Variants in EML1 observed in about 807,000 individuals in gnomAD.
EML1 encodes EMAP like 1.
A neutral mutation model predicts 110.4 loss-of-function variants in EML1; 27 were observed. The ratio of observed to expected loss-of-function variants is 0.24; its 90% CI spans 0.18 to 0.34. EML1 has a LOEUF of 0.34. Among genes scored for constraint, EML1 ranks in the 10% least tolerant of loss-of-function variants. The pLI, the probability that EML1 is intolerant of heterozygous loss-of-function variation, is 1.00. For missense variants in EML1, 741 were observed against 1,030.9 expected, an observed-to-expected ratio of 0.72 and a Z score of 3.85; for synonymous variants, 344 against 385.8, an observed-to-expected ratio of 0.89 and a Z score of 1.27.
chr14:99,926,911 T>G (rs1478107432), intron 17 of EML1, among the ~76,000 whole-genome samples: 1 of 151,856 alleles, frequency 6.6e-6, no homozygotes, highest in Admixed American at 6.6e-5. Flanking sequence ...ACCTGGCTAA[T>G]TTTTTGTATT....
intron 2 of EML1, among the ~76,000 whole-genome samples, chr14:99,853,951 A>T (rs895761886): frequency 1.3e-5 from 2 of 152,208 alleles, no homozygotes; most frequent in African/African-American, 4.8e-5. Context: ...GATTACAGGC[A>T]TGAGCCACCG....
At chr14:99,759,946 T>C (rs1209191544) in intron 1 of EML1, among the ~76,000 whole-genome samples, 1 of 151,532 alleles carries the variant, frequency 6.6e-6, no homozygotes, top group East Asian at 1.9e-4. Context: ...GTCTCTACTA[T>C]AAATACAGAA....
At chr14:99,819,628 G>A (rs143076944) in intron 1 of EML1, among the ~76,000 whole-genome samples, 1 of 152,308 alleles carries the variant, frequency 6.6e-6, no homozygotes, top group African/African-American at 2.4e-5. Context: ...CTGCGGTGAC[G>A]GGAAGAGGGG....
intron 1 of EML1, among the ~76,000 whole-genome samples, chr14:99,756,772 G>A (rs1226831940): frequency 2.0e-5 from 3 of 152,098 alleles, no homozygotes; most frequent in African/African-American, 2.4e-5. Flanking sequence ...TGCCCCCAGC[G>A]TTTGAAGTTC....
chr14:99,939,408 A>G lies in EML1; in HGVS notation c.2322+81A>G, dbSNP rs535476143. On this transcript the variant is annotated intron_variant, in intron 21 of 21. Coordinates refer to ENST00000262233, the MANE Select transcript of EML1 (RefSeq NM_004434.3). The surrounding 1 kb of genome is among the most constrained non-coding windows in gnomAD (Gnocchi z 4.2). ...CGACCTGTTTGGAGACTAAGTGGAA[A>G]TGGGCTGTGAGCGACTGCTGCCAGC... The G allele has an allele frequency of 6.3e-6, 10 of 1,577,660 alleles. No homozygotes were observed. The African/African-American group carries it at 9.4e-5, about 15-fold the overall frequency.
intron 1 of EML1, among the ~76,000 whole-genome samples, chr14:99,826,105 A>ATTTTTTT (rs71113225): frequency 3.6e-4 from 29 of 79,964 alleles, no homozygotes; most frequent in African/African-American, 5.6e-4. Flanking sequence ...CTGTGCATTG[A>ATTTTTTT]TTTTTTTTTT....
Position 99,760,083 on chromosome 14 carries a change from C to CAAAAAAAAAAAAAA in EML1, c.28+22240_28+22253dup, listed in dbSNP as rs61619098. On this transcript the variant is annotated intron_variant, in intron 1 of 10. Coordinates refer to the EML1 transcript ENST00000554479. Reference sequence around the variant, plus strand: ...GGGCAACAAGAGCTAGACTCCCTCTCAAAAAAAAAAAAAAAAAAAAAAAAA... The same window carrying CAAAAAAAAAAAAAA: ...GGGCAACAAGAGCTAGACTCCCTCTCAAAAAAAAAAAAAAAAAAAAAAAAAAAAAAAAAAAAAAA... Among the ~76,000 whole-genome samples the CAAAAAAAAAAAAAA allele has an allele frequency of 1.3e-4, 6 of 47,146 alleles. 1 individual carries two copies. The highest frequency in any genetic ancestry group is 8.3e-4 in the East Asian group (1 of 1,202). The allele number at this position is 47,146 out of a possible 152,430, so 30.9% of individuals were successfully genotyped here.
intron 4 of EML1, among the ~76,000 whole-genome samples, 163 bp from the exon 5 acceptor site, chr14:99,891,036 G>A (rs2059578786): frequency 6.6e-6 from 1 of 152,174 alleles, no homozygotes; most frequent in Admixed American, 6.5e-5. Context: ...GTTTATGTGT[G>A]TTCCTTTTTG....
At chr14:99,771,704 T>C (rs1595261954), upstream of EML1, among the ~76,000 whole-genome samples, 1 of 152,256 alleles carries the variant, frequency 6.6e-6, no homozygotes, top group East Asian at 1.9e-4. Flanking sequence ...CCCAGCTACC[T>C]GGGAGGCTGA....
intron 1 of EML1, among the ~76,000 whole-genome samples, chr14:99,749,046 T>C (rs7158575): frequency 0.78 from 117,951 of 152,164 alleles, 46,778 homozygotes; most frequent in South Asian, 0.88. Context: ...CATGTTTCAC[T>C]CGTCTGTTCA....
chr14:99,752,599 G>A (rs375514661), intron 1 of EML1, among the ~76,000 whole-genome samples: 2 of 152,334 alleles, frequency 1.3e-5, no homozygotes, highest in East Asian at 3.9e-4. Flanking sequence ...CCCCTGGGGA[G>A]AGGGTGCTGT....
intron 1 of EML1, among the ~76,000 whole-genome samples, chr14:99,797,697 C>T (rs569863783): frequency 1.0e-3 from 153 of 152,294 alleles, no homozygotes; most frequent in African/African-American, 3.4e-3. Context: ...CTCACCAAAA[C>T]GAGTCAGTGC....
chr14:99,796,598 T>C (rs1017915244), intron 1 of EML1, among the ~76,000 whole-genome samples: 7 of 151,248 alleles, frequency 4.6e-5, no homozygotes, highest in Admixed American at 4.6e-4. Context: ...GCTCAAGCAG[T>C]CCTACCTCAG....
At position 99,865,518 on chromosome 14, in the gene EML1, A is replaced by G. The variant is rs2059081337; in HGVS notation, c.255A>G (p.Arg85=). 7 of 1,613,786 alleles carry G rather than the reference A, an allele frequency of 4.3e-6. No individual in the cohort carries two copies. The highest frequency in any genetic ancestry group is 5.9e-6 in the Non-Finnish European group (7 of 1,179,938). ...VLNRKGPTKA[R]PLMQTLPLRT... ...TATTTTCTGCTTGTCTTACAGCAAG[A>G]CCACTGATGCAGACCCTGCCTTTAA... Residue 85 remains arginine (R), a synonymous_variant, in exon 3 of 22, where the codon AGA becomes AGG. Coordinates refer to ENST00000262233, the MANE Select transcript of EML1 (RefSeq NM_004434.3).
In EML1 at chr14:99,793,909, C is replaced by T. The variant is rs138235075; in HGVS notation, c.67+366C>T. Among the ~76,000 whole-genome samples, 1,076 of 151,952 alleles carry T rather than the reference C, an allele frequency of 7.1e-3. 13 individuals are homozygous for T. Among genetic ancestry groups the T allele is most frequent in the African/African-American group, 0.025 (1,034 of 41,544 alleles). On this transcript the variant is annotated intron_variant, in intron 1 of 21. Transcript: ENST00000262233. ...CGGGGAACGTGTTGCTTTTTTGCTT[C>T]CCGACCCACATCTGTTTGGAAATGA... is the stretch of plus-strand genomic sequence containing the variant.
intron 1 of EML1, among the ~76,000 whole-genome samples, chr14:99,829,826 A>G (rs1449727374): frequency 2.0e-5 from 3 of 152,258 alleles, no homozygotes; most frequent in Non-Finnish European, 2.9e-5. Flanking sequence ...TACCAGAACT[A>G]TATTCCTTTA....
chr14:99,795,116 TG>T (rs2057746062), intron 1 of EML1, among the ~76,000 whole-genome samples: 1 of 152,216 alleles, frequency 6.6e-6, no homozygotes, highest in African/African-American at 2.4e-5. Context: ...GGCGTATTAT[TG>T]ACAGCTTGAT....
intron 1 of EML1, among the ~76,000 whole-genome samples, chr14:99,749,200 C>T (rs751589286): frequency 1.3e-5 from 2 of 152,196 alleles, no homozygotes; most frequent in South Asian, 2.1e-4. Flanking sequence ...CCGGATCATA[C>T]GGTGACTCTA....
At chr14:99,797,577 AAG>A (rs1385237813) in intron 1 of EML1, among the ~76,000 whole-genome samples, 1 of 152,238 alleles carries the variant, frequency 6.6e-6, no homozygotes, top group Non-Finnish European at 1.5e-5. Flanking sequence ...TTTTTGATAA[AAG>A]AATAAGTAAT....
Sources: allele counts gnomAD v4.1 joint callset (sites outside exome capture counted in the v4.1 genomes callset), GRCh38; gene constraint gnomAD v4.1.1; non-coding constraint Gnocchi (gnomAD v3.1); transcripts MANE v1.5; gene names NCBI Gene and HGNC (gene_info 2026-07-23, HGNC 2026-07-21).